The following ISY1 variants were observed in gnomAD, a reference collection of about 807,000 sequenced individuals.
ISY1 encodes the protein pre-mRNA-splicing factor ISY1 homolog.
ISY1 carries 12 observed loss-of-function variants against 54.4 expected under a neutral mutation model. The ratio of observed to expected loss-of-function variants is 0.22; its 90% CI spans 0.14 to 0.36. The LOEUF (loss-of-function observed/expected upper bound fraction) is 0.36, where lower values mean the gene tolerates loss of function less well. Among genes scored for constraint, ISY1 ranks in the 10% least tolerant of loss-of-function variants. The pLI, the probability that ISY1 is intolerant of heterozygous loss-of-function variation, is 1.00. For synonymous variants in ISY1, 96 were observed against 117.9 expected, an observed-to-expected ratio of 0.81 and a Z score of 1.20; for missense variants, 282 against 342.2, an observed-to-expected ratio of 0.82 and a Z score of 1.39.
chr3:129,134,753 C>G, intron 8 of ISY1, 79 bp downstream of exon 8: 1 of 1,495,110 alleles, frequency 6.7e-7, no homozygotes, highest in Non-Finnish European at 9.0e-7. Context: ...GCATAAAGCA[C>G]TATTGAAAAT....
At chr3:129,158,590 A>C in intron 2 of ISY1, 31 bp from the exon 3 acceptor site, 1 of 1,613,740 alleles carries the variant, frequency 6.2e-7, no homozygotes, top group Non-Finnish European at 8.5e-7. Context: ...AAAAGACTCC[A>C]TTAGATCCTG....
In ISY1 at chr3:129,145,782, C is replaced by T; in HGVS notation, c.279G>A (p.Glu93=). 1 of 1,614,110 alleles carries T rather than the reference C, an allele frequency of 6.2e-7. No homozygotes were observed. The highest frequency in any genetic ancestry group is 8.5e-7 in the Non-Finnish European group (1 of 1,179,980). Residue 93 remains glutamate (E), a synonymous_variant, in exon 6 of 11, where the codon GAG becomes GAA. Coordinates refer to ENST00000393295, the MANE Select transcript of ISY1 (RefSeq NM_020701.4). ...TCACTCCATAATCAGGACCTCCCAG[C>T]TCCTTTATCCGGACCTCCCAGTGTC... ...EKGHWEVRIK[E]LGGPDYGKVG...
At chr3:129,154,280 T>C (rs1937066373) in intron 5 of ISY1, among the ~76,000 whole-genome samples, 1 of 141,292 alleles carries the variant, frequency 7.1e-6, no homozygotes, top group African/African-American at 2.7e-5. Context: ...CCAGGTATGA[T>C]GGAGGGTGCC....
chr3:129,136,720 C>T (rs558742122), intron 7 of ISY1, among the ~76,000 whole-genome samples: 23 of 146,108 alleles, frequency 1.6e-4, no homozygotes, highest in African/African-American at 4.8e-4. Flanking sequence ...GACAGAGCCT[C>T]GCTCTGTCAC....
At chr3:129,159,854 G>C (rs907430243) in intron 1 of ISY1, among the ~76,000 whole-genome samples, 1 of 152,132 alleles carries the variant, frequency 6.6e-6, no homozygotes. Flanking sequence ...ATCTTCATGA[G>C]ACAAATACAC....
rs1484288185 is a variant in ISY1 at position 129,130,038 on chromosome 3, C to T, written c.*43G>A. On this transcript the variant is annotated 3_prime_UTR_variant, in exon 11 of 11. Coordinates refer to ENST00000393295, the MANE Select transcript of ISY1 (RefSeq NM_020701.4). Reference sequence around the variant, plus strand: ...TCTGCAGCCCTGGGTCCTGAGGTACCACTGGGGGATGGAAGAACTCCAAGG... The same window carrying T: ...TCTGCAGCCCTGGGTCCTGAGGTACTACTGGGGGATGGAAGAACTCCAAGG... 2.0e-6 allele frequency: 3 copies of T among 1,480,392 alleles called. No homozygotes were observed. Among genetic ancestry groups the T allele is most frequent in the Middle Eastern group, 1.8e-4 (1 of 5,458 alleles). The allele number at this position is 1,480,392 out of a possible 1,614,324, so 91.7% of individuals were successfully genotyped here. A position where few individuals can be genotyped will look rare whatever the true frequency, so the allele number is the denominator to read the frequency against.
In ISY1 at chr3:129,156,692, A is replaced by G; in HGVS notation, c.145-17T>C. On this transcript the variant is annotated splice_polypyrimidine_tract_variant and intron_variant, in intron 4 of 10. Transcript: ENST00000393295. ...TCCAATGATCTATTAAAAAAAAGTA[A>G]TACATTTTAATAATTTTTGAATATG... The G allele has an allele frequency of 6.3e-7, 1 of 1,588,970 alleles. No homozygotes were observed. The highest frequency in any genetic ancestry group is 1.8e-4 in the Middle Eastern group (1 of 5,706).
intron 7 of ISY1, among the ~76,000 whole-genome samples, chr3:129,138,252 G>C (rs1275448007): frequency 1.3e-5 from 2 of 149,954 alleles, no homozygotes; most frequent in African/African-American, 4.9e-5. Flanking sequence ...CTGTACTCCA[G>C]CCTGGGCAAC....
intron 6 of ISY1, among the ~76,000 whole-genome samples, chr3:129,144,920 C>A (rs1000230029): frequency 1.3e-5 from 2 of 151,862 alleles, no homozygotes; most frequent in African/African-American, 4.8e-5. Flanking sequence ...CTCATTTTAT[C>A]TTTTTTTTGA....
chr3:129,146,818 G>A (rs1357885994), intron 5 of ISY1, among the ~76,000 whole-genome samples: 1 of 152,184 alleles, frequency 6.6e-6, no homozygotes, highest in African/African-American at 2.4e-5. Context: ...AGCACTCTGG[G>A]AAGCAGAAGT....
At chr3:129,154,182 G>A (rs568268673) in intron 5 of ISY1, among the ~76,000 whole-genome samples, 2 of 149,902 alleles carry the variant, frequency 1.3e-5, no homozygotes, top group East Asian at 4.0e-4. Flanking sequence ...GGCGGAGCCT[G>A]CAGTGAGCTG....
chr3:129,130,485 G>C, intron 10 of ISY1, 65 bp downstream of exon 10: 1 of 1,586,932 alleles, frequency 6.3e-7, no homozygotes, highest in Non-Finnish European at 8.6e-7. Context: ...ACCCACTACA[G>C]TGCTCTGTGA....
In ISY1 at chr3:129,129,703, T is replaced by C. The variant is rs1472188999; in HGVS notation, c.*378A>G. On this transcript the variant is annotated 3_prime_UTR_variant, in exon 11 of 11. Transcript: ENST00000393295. ...CATCTCATTTTTCAAGAGATGTGTC[T>C]TTTAGAAAATTTGCATTTTTTAAAA... 1 of 159,840 alleles carries C rather than the reference T, an allele frequency of 6.3e-6. No homozygotes were observed. The highest frequency in any genetic ancestry group is 2.4e-5 in the African/African-American group (1 of 41,792). 9.9% of individuals were successfully genotyped at this position (159,840 alleles called of 1,614,324 possible). A position where few individuals can be genotyped will look rare whatever the true frequency, so the allele number is the denominator to read the frequency against.
chr3:129,145,423 A>G (rs1237468602), intron 6 of ISY1, among the ~76,000 whole-genome samples: 1 of 152,134 alleles, frequency 6.6e-6, no homozygotes, highest in African/African-American at 2.4e-5. Flanking sequence ...GGCTTTTGCC[A>G]TACTGGCCAG....
rs748889446 is a variant in ISY1, at chr3:129,134,858, G to C, written c.515C>G (p.Pro172Arg). The C allele has an allele frequency of 2.5e-6, 4 of 1,610,224 alleles. No individual in the cohort carries two copies. In the African/African-American group the frequency reaches 5.3e-5, roughly 22 times the overall value. Residue 172 changes from proline (P) to arginine (R), a missense_variant, in exon 8 of 11, where the codon CCT (proline) becomes CGT (arginine). This residue lies in a region of ISY1 where 279 missense variants were observed against 323.6 expected (regional missense o/e 0.86). Transcript: ENST00000393295. ...YLDEDDGVIV[P>R]LEQEYEKKLR... Reference sequence around the variant, plus strand: ...TTTCTTTTCATATTCCTGTTCCAAAGGCACAATAACACCATCATCTTCATC... The same window carrying C: ...TTTCTTTTCATATTCCTGTTCCAAACGCACAATAACACCATCATCTTCATC...
At chr3:129,158,617 A>C in intron 2 of ISY1, 58 bp from the exon 3 acceptor site, 33 of 1,609,148 alleles carry the variant, frequency 2.1e-5, no homozygotes, top group Non-Finnish European at 2.4e-5. Flanking sequence ...CAGACTTCTC[A>C]TTACCCATGT....
intron 2 of ISY1, 126 bp downstream of exon 2, chr3:129,159,028 A>C: frequency 1.7e-6 from 2 of 1,210,344 alleles, no homozygotes; most frequent in Non-Finnish European, 2.4e-6. Context: ...GTAAGAACAT[A>C]ACATATGTAA....
At chr3:129,147,908 T>C (rs1936819448) in intron 5 of ISY1, among the ~76,000 whole-genome samples, 1 of 152,202 alleles carries the variant, frequency 6.6e-6, no homozygotes, top group African/African-American at 2.4e-5. Flanking sequence ...TTTCTTTCAC[T>C]CAGCATTAGG....
At chr3:129,149,011 A>G (rs1290168554) in intron 5 of ISY1, among the ~76,000 whole-genome samples, 2 of 152,200 alleles carry the variant, frequency 1.3e-5, no homozygotes, top group African/African-American at 2.4e-5. Context: ...TCAAAAGTCA[A>G]CTGACCAAAC....
Sources: allele counts gnomAD v4.1 joint callset (sites outside exome capture counted in the v4.1 genomes callset), GRCh38; gene constraint gnomAD v4.1.1; regional missense constraint gnomAD v4.1.1; transcripts MANE v1.5; gene names NCBI Gene and HGNC (gene_info 2026-07-23, HGNC 2026-07-21).